DPP4: variants seen among roughly 807,000 people sequenced by gnomAD.
DPP4 encodes the protein ADCP-2.
Under a neutral mutation model 122.4 loss-of-function variants are expected in DPP4, and 93 were observed. That is an observed-to-expected ratio of 0.76 (90% CI 0.64 to 0.90). DPP4 has a LOEUF of 0.90. Ranked by LOEUF, DPP4 falls within the 40% of genes least tolerant of loss-of-function variation. DPP4 has a pLI of 0.00. For missense variants in DPP4, 914 were observed against 907.3 expected (o/e 1.01, Z -0.09); for synonymous variants, 321 against 302.9 (o/e 1.06, Z -0.62).
chr2:162,055,553 A>T (rs1354950017), intron 2 of DPP4, among the ~76,000 whole-genome samples: 2 of 151,872 alleles, frequency 1.3e-5, no homozygotes, highest in Admixed American at 6.6e-5. Flanking sequence ...AAAAAAAGTC[A>T]TCCTGGCATG....
At position 162,045,578 on chromosome 2, in the gene DPP4, A is replaced by G. The variant is rs1684143520; in HGVS notation, c.320T>C (p.Ile107Thr). 2.5e-6 allele frequency: 4 copies of G among 1,612,786 alleles called. No individual in the cohort carries two copies. The highest frequency in any genetic ancestry group is 2.2e-5 in the East Asian group (1 of 44,854). ...GAGAATAAACTGCCCATCAGGAGAT[A>G]TTGAATAATCATTGATAGAATGTCC... ...EFGHSINDYS[I>T]SPDGQFILLE... is the part of the protein sequence containing the mutation. The change falls in exon 5 of 26, where the codon ATA becomes ACA. Residue 107 changes from isoleucine to threonine, a missense_variant. Coordinates refer to ENST00000360534, the MANE Select transcript of DPP4 (RefSeq NM_001935.4).
At chr2:162,018,597 A>G (rs1188738761) in intron 16 of DPP4, 132 bp downstream of exon 16, 13 of 1,180,100 alleles carry the variant, frequency 1.1e-5, no homozygotes, top group Non-Finnish European at 1.5e-5. Context: ...TATGCTCACT[A>G]CTTAAATGTG....
chr2:161,999,716 A>T (rs1366813531), intron 23 of DPP4, among the ~76,000 whole-genome samples: 1 of 152,224 alleles, frequency 6.6e-6, no homozygotes, highest in Non-Finnish European at 1.5e-5. Context: ...AGAGCTGATA[A>T]GAGGAGGAGA....
At chr2:162,066,766 C>T (rs1289841082) in intron 2 of DPP4, among the ~76,000 whole-genome samples, 7 of 152,290 alleles carry the variant, frequency 4.6e-5, no homozygotes, top group South Asian at 4.2e-4. Context: ...CTACTTATAG[C>T]AGAAGGTGAA....
Position 162,017,097 on chromosome 2 carries a change from T to C in DPP4, c.1468+11A>G, listed in dbSNP as rs201273765. 1.9e-6 allele frequency: 3 copies of C among 1,610,508 alleles called. No homozygotes were observed. The highest frequency in any genetic ancestry group is 2.5e-6 in the Non-Finnish European group (3 of 1,178,518). ...TTAGAAACAAATGAAGAGTAAAATA[T>C]GAGAAAATACCTTTATCATTCACGC... On this transcript the variant is annotated intron_variant, in intron 17 of 25. Coordinates refer to ENST00000360534, the MANE Select transcript of DPP4 (RefSeq NM_001935.4).
intron 11 of DPP4, 130 bp downstream of exon 11, chr2:162,024,674 G>A (rs913184867): frequency 3.2e-6 from 4 of 1,259,262 alleles, no homozygotes; most frequent in Admixed American, 2.3e-5. Flanking sequence ...ATTGCCTCAG[G>A]ATCAGACAGA....
At chr2:162,055,392 T>C (rs1247508691) in intron 2 of DPP4, among the ~76,000 whole-genome samples, 4 of 152,172 alleles carry the variant, frequency 2.6e-5, no homozygotes, top group Non-Finnish European at 5.9e-5. Context: ...ATTTACCTTG[T>C]CAACAATAGA....
intron 23 of DPP4, among the ~76,000 whole-genome samples, chr2:161,998,596 A>G (rs772729022): frequency 6.6e-6 from 1 of 152,242 alleles, no homozygotes; most frequent in Non-Finnish European, 1.5e-5. Context: ...ATTGAAACAT[A>G]GAGTAATAGT....
chr2:162,055,849 C>T (rs1307030567), intron 2 of DPP4, among the ~76,000 whole-genome samples: 1 of 152,166 alleles, frequency 6.6e-6, no homozygotes, highest in Non-Finnish European at 1.5e-5. Flanking sequence ...AGAATAGCAA[C>T]ACTTCGAAAA....
At chr2:162,018,980 A>G (rs78943566) in intron 15 of DPP4, 130 bp from the exon 16 acceptor site, 1 of 1,052,356 alleles carries the variant, frequency 9.5e-7, no homozygotes, top group East Asian at 2.6e-5. Context: ...TTTTTTTTTT[A>G]GCATGAAATA....
rs200343259 is a variant in DPP4, at chr2:162,073,356, T to C, written c.94+43A>G. Reference sequence around the variant, plus strand: ...TAGCGTGGTAAGACGGAGCCTGACCTGAGCTCCAACTGTCCTATCTTTTTC... The same window carrying C: ...TAGCGTGGTAAGACGGAGCCTGACCCGAGCTCCAACTGTCCTATCTTTTTC... On this transcript the variant is annotated intron_variant, in intron 2 of 25. Coordinates refer to ENST00000360534, the MANE Select transcript of DPP4 (RefSeq NM_001935.4). 267 of 1,596,662 alleles carry C rather than the reference T, an allele frequency of 1.7e-4. 3 individuals carry two copies. The South Asian group carries it at 2.6e-3, about 15-fold the overall frequency.
At chr2:161,994,164 G>A (rs1700935071) in intron 25 of DPP4, among the ~76,000 whole-genome samples, 2 of 152,080 alleles carry the variant, frequency 1.3e-5, no homozygotes, top group Non-Finnish European at 2.9e-5. Context: ...TCTTTTCTTT[G>A]AATAGTAGAA....
chr2:162,038,434 A>T lies in DPP4; in HGVS notation c.493-12T>A. ...TTCCAAACATATGCCTAGAAGGAAA[A>T]AAAACAAGCATTGATATCTATAATA... On this transcript the variant is annotated splice_polypyrimidine_tract_variant and intron_variant, in intron 7 of 25. Coordinates refer to ENST00000360534, the MANE Select transcript of DPP4 (RefSeq NM_001935.4). The T allele has an allele frequency of 6.3e-7, 1 of 1,592,730 alleles. No individual in the cohort carries two copies. Among genetic ancestry groups the T allele is most frequent in the Non-Finnish European group, 8.5e-7 (1 of 1,172,210 alleles).
chr2:162,020,473 C>A, intron 13 of DPP4, 108 bp downstream of exon 13: 1 of 1,048,480 alleles, frequency 9.5e-7, no homozygotes, highest in Non-Finnish European at 1.4e-6. Flanking sequence ...TTAAATTAAT[C>A]TGATTTTTAT....
At position 162,024,845 on chromosome 2, in the gene DPP4, A is replaced by T; in HGVS notation, c.982T>A (p.Cys328Ser). The change falls in exon 11 of 26, where the codon TGT becomes AGT. Residue 328 changes from cysteine (C) to serine (S), a missense_variant. By Grantham distance (112) the Cys-to-Ser change is moderately radical. Coordinates refer to ENST00000360534, the MANE Select transcript of DPP4 (RefSeq NM_001935.4). ...CTTCCACTGGATTCATCATAGTCAC[A>T]AATATCCATGACCGAATAGTTCTGA... ...RIQNYSVMDI[C>S]DYDESSGRWN... The T allele has an allele frequency of 6.2e-7, 1 of 1,614,006 alleles. No homozygotes were observed. Among genetic ancestry groups the T allele is most frequent in the Non-Finnish European group, 8.5e-7 (1 of 1,180,044 alleles).
rs780673235 is a variant in DPP4 at position 162,033,627 on chromosome 2, C to G, written c.801G>C (p.Lys267Asn). 3.1e-6 allele frequency: 5 copies of G among 1,610,730 alleles called. No homozygotes were observed. The highest frequency in any genetic ancestry group is 1.7e-4 in the Middle Eastern group (1 of 6,038). ...GAGAGTCTGTATTTACAACAAAGAA[C>G]TTTACAGTTGGATTCACAGCTCCTG... ...PKAGAVNPTV[K>N]FFVVNTDSLS... The change falls in exon 10 of 26, where the codon AAG becomes AAC. Residue 267 changes from lysine (K) to asparagine (N), a missense_variant. Physicochemically the swap from Lys to Asn is moderately conservative, Grantham distance 94 (BLOSUM62 0). Coordinates refer to ENST00000360534, the MANE Select transcript of DPP4 (RefSeq NM_001935.4).
chr2:162,016,297 C>T (rs1682921642), intron 18 of DPP4, among the ~76,000 whole-genome samples: 1 of 152,204 alleles, frequency 6.6e-6, no homozygotes, highest in Non-Finnish European at 1.5e-5. Context: ...ACAATCAAGC[C>T]GGGACCACAC....
At chr2:162,047,065 C>A in intron 3 of DPP4, 59 bp from the exon 4 acceptor site, 1 of 918,290 alleles carries the variant, frequency 1.1e-6, no homozygotes, top group Admixed American at 2.2e-5. Flanking sequence ...TCTTCATAAG[C>A]TGAAAATTAC....
chr2:162,031,933 T>C (rs1576051981), intron 10 of DPP4: 1 of 152,214 alleles, frequency 6.6e-6, no homozygotes, highest in East Asian at 1.9e-4. Flanking sequence ...TTTTACTCCA[T>C]TGGACAAACC....
Sources: allele counts gnomAD v4.1 joint callset (sites outside exome capture counted in the v4.1 genomes callset), GRCh38; gene constraint gnomAD v4.1.1; transcripts MANE v1.5; gene names NCBI Gene and HGNC (gene_info 2026-07-23, HGNC 2026-07-21).